Variants in UBA2 observed in about 807,000 individuals in gnomAD.
UBA2 encodes the protein ubiquitin like modifier activating enzyme 2.
In UBA2, 11 loss-of-function variants were observed where a neutral mutation model predicts 77.2. The ratio of observed to expected loss-of-function variants is 0.14; its 90% CI spans 0.09 to 0.24. The LOEUF is 0.24. Among genes scored for constraint, UBA2 ranks in the 10% least tolerant of loss-of-function variants. The probability of loss-of-function intolerance (pLI) is 1.00; values close to 1 mark genes in which losing one functional copy is unlikely to be tolerated. For synonymous variants in UBA2, 278 were observed against 276.7 expected, an observed-to-expected ratio of 1.00 and a Z score of -0.05; for missense variants, 487 against 781.7, an observed-to-expected ratio of 0.62 and a Z score of 4.50.
intron 5 of UBA2, among the ~76,000 whole-genome samples, chr19:34,436,486 A>G (rs886274386): frequency 6.6e-6 from 1 of 151,912 alleles, no homozygotes; most frequent in Non-Finnish European, 1.5e-5. Flanking sequence ...TTTAGTAGAG[A>G]CGGGGTTTCT....
chr19:34,458,839 C>T lies in UBA2; in HGVS notation c.1316C>T (p.Pro439Leu). The T allele has an allele frequency of 6.2e-7, 1 of 1,614,126 alleles. No homozygotes were observed. Among genetic ancestry groups the T allele is most frequent in the Non-Finnish European group, 8.5e-7 (1 of 1,180,024 alleles). The part of the protein sequence containing the change: ...LVPCALDPPN[P>L]NCYVCASKPE... Reference sequence around the variant, plus strand: ...CCTTGTGCACTGGATCCTCCCAACCCCAATTGTTATGTATGTGCCAGCAAG... The same window carrying T: ...CCTTGTGCACTGGATCCTCCCAACCTCAATTGTTATGTATGTGCCAGCAAG... Residue 439 changes from proline to leucine, a missense_variant, in exon 13 of 17, where the codon CCC becomes CTC. By Grantham distance (98) the Pro-to-Leu change is moderately conservative. Transcript: ENST00000246548.
intron 14 of UBA2, among the ~76,000 whole-genome samples, chr19:34,462,787 A>AAAACCT (rs2075645887): frequency 6.6e-6 from 1 of 152,100 alleles, no homozygotes; most frequent in Non-Finnish European, 1.5e-5. Flanking sequence ...CCAACATGGC[A>AAAACCT]AAACCTCATC....
rs2075601433 is a variant in UBA2 at position 34,458,889 on chromosome 19, G to A, written c.1366G>A (p.Val456Ile). ...GCCAGAGGTGACTGTGCGGCTGAAT[G>A]TCCATAAAGTGACTGTTCTCACCTT... Reference protein sequence around the residue: ...SKPEVTVRLNVHKVTVLTLQD... With the variant: ...SKPEVTVRLNIHKVTVLTLQD... Residue 456 changes from valine to isoleucine, a missense_variant, in exon 13 of 17, where the codon GTC becomes ATC. This residue lies in a region of UBA2 where 300 missense variants were observed against 454.3 expected (regional missense o/e 0.66). Transcript: ENST00000246548. 1 of 1,614,108 alleles carries A rather than the reference G, an allele frequency of 6.2e-7. No homozygotes were observed. Among genetic ancestry groups the A allele is most frequent in the Non-Finnish European group, 8.5e-7 (1 of 1,180,008 alleles).
At chr19:34,466,371 T>C (rs1375198446) in intron 15 of UBA2, among the ~76,000 whole-genome samples, 2 of 152,194 alleles carry the variant, frequency 1.3e-5, no homozygotes, top group African/African-American at 4.8e-5. Context: ...AAGTAGAGGA[T>C]GTAGAAATCT....
rs1265508562 is a variant in UBA2, at chr19:34,454,369, T to C, written c.1132+16T>C. On this transcript the variant is annotated intron_variant, in intron 11 of 16. Transcript: ENST00000246548. ...GATATCAAATGTAAGTTATTTGTAC[T>C]AAAGTTGTATCACTAAAACCTTGAA... The C allele has an allele frequency of 6.2e-7, 1 of 1,600,616 alleles. No homozygotes were observed. Among genetic ancestry groups the C allele is most frequent in the East Asian group, 2.2e-5 (1 of 44,770 alleles).
chr19:34,458,539 C>T (rs1483381123), intron 12 of UBA2, among the ~76,000 whole-genome samples: 5 of 116,858 alleles, frequency 4.3e-5, no homozygotes, highest in Admixed American at 1.2e-4. Flanking sequence ...CCAGCCTGGG[C>T]GACAGCAAGA....
intron 12 of UBA2, among the ~76,000 whole-genome samples, chr19:34,456,316 G>T (rs1360979827): frequency 6.6e-6 from 1 of 150,914 alleles, no homozygotes; most frequent in African/African-American, 2.4e-5. Context: ...TGTTTCACCT[G>T]TTGCCCAGAT....
At chr19:34,429,131 G>T (rs2145482376) in intron 1 of UBA2, 1 of 983,050 alleles carries the variant, frequency 1.0e-6, no homozygotes, top group East Asian at 1.1e-4. Flanking sequence ...AGGAAAGGGA[G>T]ACGCAATGGG....
chr19:34,458,495 A>T (rs1461245485), intron 12 of UBA2, among the ~76,000 whole-genome samples: 1 of 124,718 alleles, frequency 8.0e-6, no homozygotes, highest in African/African-American at 3.0e-5. Context: ...CAGGGGGCGG[A>T]GCCTGCAGTG....
intron 5 of UBA2, 44 bp downstream of exon 5, chr19:34,435,012 GAGACCTTGGAGCAGGA>G: frequency 1.5e-6 from 2 of 1,294,514 alleles, no homozygotes; most frequent in Non-Finnish European, 2.2e-6. Flanking sequence ...ATATTTATTT[GAGACCTTGGAGCAGGA>G]GGAAATAAAC....
intron 8 of UBA2, among the ~76,000 whole-genome samples, chr19:34,446,064 C>T (rs570656689): frequency 3.3e-5 from 5 of 151,864 alleles, no homozygotes; most frequent in African/African-American, 1.2e-4. Context: ...CACCATGTTG[C>T]CCAGGCAGAT....
chr19:34,433,778 G>C (rs868513793), intron 4 of UBA2, among the ~76,000 whole-genome samples: 4 of 152,122 alleles, frequency 2.6e-5, no homozygotes, highest in South Asian at 2.1e-4. Flanking sequence ...TAGTCAACAT[G>C]GTGAAACCGT....
intron 6 of UBA2, among the ~76,000 whole-genome samples, chr19:34,439,533 T>G (rs1417954656): frequency 6.6e-6 from 1 of 152,158 alleles, no homozygotes; most frequent in Non-Finnish European, 1.5e-5. Context: ...GAATACACTT[T>G]AAGAAATGAG....
At chr19:34,447,652 C>T (rs2075446557) in intron 8 of UBA2, among the ~76,000 whole-genome samples, 1 of 152,200 alleles carries the variant, frequency 6.6e-6, no homozygotes, top group Non-Finnish European at 1.5e-5. Context: ...AGAGTCCTTG[C>T]TCTTTAGAGG....
rs148423918 is a variant in UBA2 at position 34,452,021 on chromosome 19, G to T, written c.912G>T (p.Gln304His). Residue 304 changes from glutamine to histidine, a missense_variant, in exon 10 of 17, where the codon CAG becomes CAT. Physicochemically the swap from Gln to His is conservative, Grantham distance 24. This residue lies in a region of UBA2 where 300 missense variants were observed against 454.3 expected (regional missense o/e 0.66). Transcript: ENST00000246548. ...CATCAGATCAACAGAATGAACCCCAGTTAGGCCTGAAAGACCAGCAGGTTC... is the reference window on the plus strand; with the variant it reads ...CATCAGATCAACAGAATGAACCCCATTTAGGCCTGAAAGACCAGCAGGTTC... ...TNASDQQNEP[Q>H]LGLKDQQVLD... 1.5e-3 allele frequency: 2,368 copies of T among 1,604,664 alleles called. 1 individual carries two copies. Among genetic ancestry groups the T allele is most frequent in the Non-Finnish European group, 1.9e-3 (2,173 of 1,174,226 alleles).
intron 13 of UBA2, 71 bp from the exon 14 acceptor site, chr19:34,460,399 G>C: frequency 9.9e-7 from 1 of 1,011,474 alleles, no homozygotes; most frequent in South Asian, 1.6e-5. Flanking sequence ...AGCCTTTATA[G>C]AAGTCTAGGA....
chr19:34,446,465 CT>C (rs1401169319), intron 8 of UBA2, among the ~76,000 whole-genome samples: 2 of 151,984 alleles, frequency 1.3e-5, no homozygotes, highest in African/African-American at 2.4e-5. Context: ...TGTCTCGGAT[CT>C]TTTTTTTCTT....
chr19:34,450,279 C>T lies in UBA2; in HGVS notation c.786C>T (p.Asp262=). Residue 262 remains aspartate (D), a synonymous_variant, in exon 9 of 17, where the codon GAC becomes GAT. Transcript: ENST00000246548. ...VKLFTKLFKD[D]IRYLLTMDKL... The stretch of plus-strand genomic sequence containing the variant: ...TCTTTTGTAAGCTTTTTAAAGATGA[C>T]ATCAGGTATCTGTTGACAATGGACA... 1 of 1,609,958 alleles carries T rather than the reference C, an allele frequency of 6.2e-7. No individual in the cohort carries two copies. The highest frequency in any genetic ancestry group is 1.3e-5 in the African/African-American group (1 of 74,774).
chr19:34,438,640 C>T lies in UBA2; in HGVS notation c.460-5C>T, dbSNP rs749748148. On this transcript the variant is annotated splice_polypyrimidine_tract_variant and splice_region_variant and intron_variant, in intron 5 of 16. Transcript: ENST00000246548. ...GTAAATTTTTCTCATATCCTGACTT[C>T]ATAGGGTGTGACCGAGTGTTATGAG... The T allele has an allele frequency of 6.2e-7, 1 of 1,613,678 alleles. No individual in the cohort carries two copies. Among genetic ancestry groups the T allele is most frequent in the Admixed American group, 1.7e-5 (1 of 59,924 alleles).
Sources: allele counts gnomAD v4.1 joint callset (sites outside exome capture counted in the v4.1 genomes callset), GRCh38; gene constraint gnomAD v4.1.1; regional missense constraint gnomAD v4.1.1; transcripts MANE v1.5; gene names NCBI Gene and HGNC (gene_info 2026-07-23, HGNC 2026-07-21).